Variants in ST6GAL2 observed in about 807,000 individuals in gnomAD.
ST6GAL2 encodes the protein ST6 beta-galactoside alpha-2,6-sialyltransferase 2.
A neutral mutation model predicts 37.5 loss-of-function variants in ST6GAL2; 24 were observed. The observed-to-expected ratio is 0.64, with a 90% CI of 0.46 to 0.90. The LOEUF (loss-of-function observed/expected upper bound fraction) is 0.90. Ranked by LOEUF, ST6GAL2 falls within the 40% of genes least tolerant of loss-of-function variation. The pLI is 0.00. For missense variants in ST6GAL2, 715 were observed against 712.7 expected, an observed-to-expected ratio of 1.00 and a Z score of -0.04; for synonymous variants, 306 against 295.1, an observed-to-expected ratio of 1.04 and a Z score of -0.38.
At chr2:106,864,080 A>T (rs1465755687) in intron 1 of ST6GAL2, among the ~76,000 whole-genome samples, 1 of 152,208 alleles carries the variant, frequency 6.6e-6, no homozygotes, top group East Asian at 1.9e-4. Context: ...AGTAAAAGCC[A>T]GAGGAGGCTG....
chr2:106,807,417 A>C (rs1410475448), intron 5 of ST6GAL2, among the ~76,000 whole-genome samples: 1 of 152,234 alleles, frequency 6.6e-6, no homozygotes, highest in Non-Finnish European at 1.5e-5. Flanking sequence ...ACTATAATAC[A>C]GTTGTTTGAA....
chr2:106,881,190 A>G (rs1157429480), intron 1 of ST6GAL2, among the ~76,000 whole-genome samples: 2 of 152,030 alleles, frequency 1.3e-5, no homozygotes, highest in African/African-American at 4.8e-5. Context: ...GGGTCTTGTT[A>G]TGTTGCCCAG....
At position 106,802,340 on chromosome 2, in the gene ST6GAL2, T is replaced by A. The variant is rs1279835271; in HGVS notation, c.*4338A>T. 1.3e-5 allele frequency: 2 copies of A among 151,212 alleles called. No homozygotes were observed. Among genetic ancestry groups the A allele is most frequent in the African/African-American group, 4.9e-5 (2 of 41,132 alleles). The allele number at this position is 151,212 out of a possible 1,614,324, so 9.4% of individuals were successfully genotyped here. A position where few individuals can be genotyped will look rare whatever the true frequency, so the allele number is the denominator to read the frequency against. Reference sequence around the variant, plus strand: ...GTGTGTAGATATGTATATACACAATTATATAACTATATCTACATGTACACT... The same window carrying A: ...GTGTGTAGATATGTATATACACAATAATATAACTATATCTACATGTACACT... On this transcript the variant is annotated 3_prime_UTR_variant, in exon 6 of 6. Coordinates refer to ENST00000409382, the MANE Select transcript of ST6GAL2 (RefSeq NM_001142351.2).
intron 1 of ST6GAL2, among the ~76,000 whole-genome samples, chr2:106,885,293 T>C (rs1031431737): frequency 1.3e-5 from 2 of 152,002 alleles, no homozygotes; most frequent in Non-Finnish European, 2.9e-5. Flanking sequence ...ATTTTTCGCA[T>C]GTCCAATAAA....
chr2:106,879,477 G>C (rs961945053), intron 1 of ST6GAL2, among the ~76,000 whole-genome samples: 4 of 151,996 alleles, frequency 2.6e-5, no homozygotes, highest in African/African-American at 9.7e-5. Context: ...AACATATCAA[G>C]TATTGACTCA....
chr2:106,825,602 ACATT>A (rs1431106768), intron 5 of ST6GAL2, among the ~76,000 whole-genome samples: 5 of 152,258 alleles, frequency 3.3e-5, no homozygotes, highest in African/African-American at 1.2e-4. Flanking sequence ...TTGAGCTAAA[ACATT>A]CATTCATTCA....
chr2:106,845,712 T>C (rs1677116247), intron 1 of ST6GAL2, among the ~76,000 whole-genome samples: 1 of 152,152 alleles, frequency 6.6e-6, no homozygotes, highest in Admixed American at 6.5e-5. Context: ...CTACATTCCT[T>C]TTGTGGCTCT....
chr2:106,871,518 G>T (rs971419316), intron 1 of ST6GAL2, among the ~76,000 whole-genome samples: 4 of 152,076 alleles, frequency 2.6e-5, no homozygotes, highest in Non-Finnish European at 5.9e-5. Context: ...GGACTCTTTT[G>T]TAACACTTAG....
At chr2:106,826,958 G>T (rs897959853) in intron 5 of ST6GAL2, among the ~76,000 whole-genome samples, 1 of 152,198 alleles carries the variant, frequency 6.6e-6, no homozygotes, top group Non-Finnish European at 1.5e-5. Context: ...CTGCCAGGGT[G>T]ATCTTTTGCG....
chr2:106,836,400 T>C (rs149955555), intron 2 of ST6GAL2, among the ~76,000 whole-genome samples: 20 of 152,256 alleles, frequency 1.3e-4, no homozygotes, highest in African/African-American at 4.6e-4. Context: ...GCTAGTTTCT[T>C]AGGGTTGGTT....
In ST6GAL2 at chr2:106,806,517, A is replaced by C; in HGVS notation, c.*161T>G. On this transcript the variant is annotated 3_prime_UTR_variant, in exon 6 of 6. Transcript: ENST00000409382. ...ATTTCTATGTTCAAAGCAGTAATAC[A>C]TACTCAATGGCTTAGAAAGAGAAGG... is the stretch of plus-strand genomic sequence containing the variant. The C allele has an allele frequency of 1.2e-6, 1 of 823,954 alleles. No homozygotes were observed. Among genetic ancestry groups the C allele is most frequent in the Non-Finnish European group, 1.9e-6 (1 of 533,070 alleles). The allele number at this position is 823,954 out of a possible 1,614,324, so 51.0% of individuals were successfully genotyped here.
chr2:106,838,593 C>T (rs1676741583), intron 2 of ST6GAL2, among the ~76,000 whole-genome samples: 1 of 152,220 alleles, frequency 6.6e-6, no homozygotes, highest in African/African-American at 2.4e-5. Flanking sequence ...GGGCACAGGG[C>T]TGAGAGCTAG....
At chr2:106,867,826 T>C (rs1474103631) in intron 1 of ST6GAL2, among the ~76,000 whole-genome samples, 1 of 152,222 alleles carries the variant, frequency 6.6e-6, no homozygotes, top group Non-Finnish European at 1.5e-5. Context: ...TGTTTGCTTG[T>C]GTCCCGTGGA....
In ST6GAL2 at chr2:106,864,627, G is replaced by A. The variant is rs550625614; in HGVS notation, c.-57-20593C>T. Among the ~76,000 whole-genome samples, 11 of 152,234 alleles carry A rather than the reference G, an allele frequency of 7.2e-5. No homozygotes were observed. In the East Asian group the frequency reaches 2.1e-3, roughly 29 times the overall value. ...TTTATTAGCTGTATCAACTTGGGCAGGTTATTACACCTCAGATCAGTTTCT... is the reference window on the plus strand; with the variant it reads ...TTTATTAGCTGTATCAACTTGGGCAAGTTATTACACCTCAGATCAGTTTCT... On this transcript the variant is annotated intron_variant, in intron 1 of 5. Transcript: ENST00000409382.
intron 2 of ST6GAL2, chr2:106,841,050 A>G (rs1297685564): frequency 6.6e-6 from 1 of 152,160 alleles, no homozygotes; most frequent in Non-Finnish European, 1.5e-5. Flanking sequence ...AGCTTATATG[A>G]CACATGGACT....
chr2:106,807,486 A>T (rs1378226737), intron 5 of ST6GAL2, among the ~76,000 whole-genome samples: 1 of 152,226 alleles, frequency 6.6e-6, no homozygotes, highest in Non-Finnish European at 1.5e-5. Context: ...GTCTGAATGG[A>T]AAGAAATGGA....
intron 1 of ST6GAL2, among the ~76,000 whole-genome samples, chr2:106,862,118 G>A (rs1677824833): frequency 6.6e-6 from 1 of 152,208 alleles, no homozygotes; most frequent in African/African-American, 2.4e-5. Context: ...CACACAGTCA[G>A]ACATGAAATT....
At chr2:106,820,286 T>C (rs1675953130) in intron 5 of ST6GAL2, among the ~76,000 whole-genome samples, 1 of 152,026 alleles carries the variant, frequency 6.6e-6, no homozygotes, top group African/African-American at 2.4e-5. Context: ...AGACATTCCA[T>C]GCTAATGGAA....
In ST6GAL2 at chr2:106,816,436, A is replaced by G. The variant is rs865950844; in HGVS notation, c.1319-9487T>C. Among the ~76,000 whole-genome samples the G allele has an allele frequency of 2.6e-5, 4 of 152,208 alleles. No individual in the cohort carries two copies. The South Asian group carries it at 8.3e-4, about 31-fold the overall frequency. On this transcript the variant is annotated intron_variant, in intron 5 of 5. Coordinates refer to ENST00000409382, the MANE Select transcript of ST6GAL2 (RefSeq NM_001142351.2). ...GTGTTTTGAAAAATAATTATCAATA[A>G]TTGATATGCAACTTTGACTCAGGTT...
Sources: allele counts gnomAD v4.1 joint callset (sites outside exome capture counted in the v4.1 genomes callset), GRCh38; gene constraint gnomAD v4.1.1; transcripts MANE v1.5; gene names NCBI Gene and HGNC (gene_info 2026-07-23, HGNC 2026-07-21).